DNAH10: variants seen among roughly 807,000 people sequenced by gnomAD.
The protein encoded by DNAH10 is axonemal beta dynein heavy chain 10.
In DNAH10, 348 loss-of-function variants were observed where a neutral mutation model predicts 506.6. The observed-to-expected ratio is 0.69, with a 90% CI of 0.63 to 0.75. The LOEUF (loss-of-function observed/expected upper bound fraction) is 0.75, where lower values mean the gene tolerates loss of function less well. Ranked by LOEUF, DNAH10 falls within the 30% of genes least tolerant of loss-of-function variation. The probability of loss-of-function intolerance (pLI) is 0.00; values close to 1 mark genes in which losing one functional copy is unlikely to be tolerated. For missense variants in DNAH10, 5,179 were observed against 5,787.1 expected, an observed-to-expected ratio of 0.89 and a Z score of 3.41; for synonymous variants, 2,059 against 2,198.6, an observed-to-expected ratio of 0.94 and a Z score of 1.78.
At chr12:123,767,538 G>T in intron 1 of DNAH10, 68 bp from the exon 2 acceptor site, 1 of 1,470,740 alleles carries the variant, frequency 6.8e-7, no homozygotes, top group South Asian at 1.2e-5. Context: ...AGAAAGCAAA[G>T]ATATCAGGTG....
chr12:123,799,438 G>C, intron 14 of DNAH10, 67 bp downstream of exon 14: 1 of 1,541,258 alleles, frequency 6.5e-7, no homozygotes, highest in South Asian at 1.2e-5. Context: ...ATTTTCTCAA[G>C]GCTTGATTTG....
intron 3 of DNAH10, 117 bp downstream of exon 3, chr12:123,771,815 A>G (rs950448742): frequency 2.2e-6 from 2 of 911,562 alleles, no homozygotes; most frequent in Non-Finnish European, 3.3e-6. Context: ...AATGGAAATT[A>G]TAGGATCCCA....
Position 123,847,980 on chromosome 12 carries a change from G to T in DNAH10, c.5834G>T (p.Gly1945Val). Residue 1945 changes from glycine to valine, a missense_variant, in exon 33 of 79, where the codon GGT becomes GTT. Coordinates refer to ENST00000673944, the MANE Select transcript of DNAH10 (RefSeq NM_001372106.1). ...TAACAGGCGCTGTCCATGTATCTAG[G>T]TGGGGCCCCCGCCGGCCCAGCAGGA... ...TLTQALSMYLGGAPAGPAGTG... is the reference protein window; with the variant it reads ...TLTQALSMYLVGAPAGPAGTG... The T allele has an allele frequency of 6.2e-7, 1 of 1,613,302 alleles. No individual in the cohort carries two copies. The highest frequency in any genetic ancestry group is 8.5e-7 in the Non-Finnish European group (1 of 1,179,594).
At chr12:123,851,152 C>T (rs138739907) in intron 35 of DNAH10, 76 bp downstream of exon 35, 41 of 1,444,020 alleles carry the variant, frequency 2.8e-5, no homozygotes, top group South Asian at 1.8e-4. Context: ...GGACCTAGGA[C>T]GCGTTAGCTC....
intron 67 of DNAH10, 123 bp from the exon 68 acceptor site, chr12:123,924,927 C>G (rs1005905720): frequency 7.0e-6 from 9 of 1,291,888 alleles, no homozygotes; most frequent in East Asian, 2.5e-5. Context: ...GACCAGGTGG[C>G]CTTCAGTTAG....
At chr12:123,799,694 G>A (rs1958413592) in intron 14 of DNAH10, among the ~76,000 whole-genome samples, 2 of 152,236 alleles carry the variant, frequency 1.3e-5, no homozygotes, top group South Asian at 4.1e-4. Context: ...ATATGAAACA[G>A]AGCTGACAGC....
chr12:123,866,639 G>C (rs554638369), intron 41 of DNAH10, among the ~76,000 whole-genome samples: 14 of 152,302 alleles, frequency 9.2e-5, no homozygotes, highest in African/African-American at 3.1e-4. Context: ...TTTCTGTAGA[G>C]GGGTAGATAG....
intron 77 of DNAH10, 83 bp from the exon 78 acceptor site, chr12:123,934,538 C>G: frequency 6.5e-7 from 1 of 1,546,100 alleles, no homozygotes; most frequent in Non-Finnish European, 8.8e-7. Context: ...GCCTGTGTGT[C>G]GCTGTGTGTG....
chr12:123,871,536 T>A lies in DNAH10; in HGVS notation c.7719T>A (p.Gly2573=), dbSNP rs575140518. 21 of 1,554,246 alleles carry A rather than the reference T, an allele frequency of 1.4e-5. No individual in the cohort carries two copies. In the Admixed American group the frequency reaches 4.1e-4, roughly 30 times the overall value. Residue 2573 remains glycine, a synonymous_variant, in exon 45 of 79, where the codon GGT becomes GGA. Coordinates refer to ENST00000673944, the MANE Select transcript of DNAH10 (RefSeq NM_001372106.1). ...VKIKQPVIFV[G]ESGTSKTATT... The stretch of plus-strand genomic sequence containing the variant: ...TTAAGCAACCTGTTATTTTTGTTGG[T>A]GAATCTGGCACTTCTAAGACAGCCA...
intron 65 of DNAH10, among the ~76,000 whole-genome samples, chr12:123,920,208 T>A (rs1192051305): frequency 3.3e-5 from 5 of 152,262 alleles, no homozygotes; most frequent in African/African-American, 9.6e-5. Context: ...CGGTTCCCCA[T>A]CAACCCAGAT....
chr12:123,879,232 C>A, intron 48 of DNAH10, 32 bp from the exon 49 acceptor site: 1 of 1,549,794 alleles, frequency 6.5e-7, no homozygotes. Context: ...CAGGTGACTT[C>A]CTGGCTGATT....
chr12:123,931,409 G>T lies in DNAH10; in HGVS notation c.12853G>T (p.Gly4285Cys). The change falls in exon 74 of 79, where the codon GGC becomes TGC. Residue 4285 changes from glycine to cysteine, a missense_variant. Transcript: ENST00000673944. Reference protein sequence around the residue: ...VFGLHPNAEIGYYTQAARDMW... With the variant: ...VFGLHPNAEICYYTQAARDMW... ...TGGTCTCCACCCCAACGCTGAGATT[G>T]GCTATTACACGCAGGCGGCTCGAGA... 6.2e-7 allele frequency: 1 copy of T among 1,613,994 alleles called. No homozygotes were observed. The highest frequency in any genetic ancestry group is 8.5e-7 in the Non-Finnish European group (1 of 1,179,900).
Position 123,787,820 on chromosome 12 carries a change from GC to G in DNAH10, c.1441del (p.Gln481LysfsTer25). 2 of 1,613,928 alleles carry G rather than the reference GC, an allele frequency of 1.2e-6. No homozygotes were observed. Among genetic ancestry groups the G allele is most frequent in the South Asian group, 2.2e-5 (2 of 90,960 alleles). On this transcript the variant is annotated frameshift_variant, in exon 10 of 79. Coordinates refer to ENST00000673944, the MANE Select transcript of DNAH10 (RefSeq NM_001372106.1). LOFTEE classifies it high-confidence loss of function. The surrounding 1 kb of genome is among the most constrained non-coding windows in gnomAD (Gnocchi z 4.6). The stretch of plus-strand genomic sequence containing the variant: ...GCTTCGCAGAGAAAATCGAGCGAGT[GC>G]CCAAAGCAAAACCTTGGAAGCCAGG... The part of the protein sequence containing the change: ...RTLFKENRAS[A>X]QSKTLEARNT...
intron 65 of DNAH10, chr12:123,922,802 A>AC (rs1362456515): frequency 6.6e-6 from 1 of 152,088 alleles, no homozygotes; most frequent in Admixed American, 6.5e-5. Context: ...TCTTATAAGG[A>AC]CACCAGTGAG....
intron 30 of DNAH10, among the ~76,000 whole-genome samples, chr12:123,844,993 A>T (rs912063452): frequency 6.6e-6 from 1 of 151,662 alleles, no homozygotes; most frequent in Non-Finnish European, 1.5e-5. Context: ...AAGTTTGAAA[A>T]CCTATAATCA....
intron 8 of DNAH10, among the ~76,000 whole-genome samples, chr12:123,784,734 C>G (rs929058864): frequency 6.6e-6 from 1 of 152,158 alleles, no homozygotes; most frequent in Non-Finnish European, 1.5e-5. Flanking sequence ...ACACTAACTC[C>G]CCCTTCTTCC....
chr12:123,872,687 G>A (rs1468265671), intron 45 of DNAH10, among the ~76,000 whole-genome samples: 2 of 149,718 alleles, frequency 1.3e-5, no homozygotes, highest in East Asian at 2.1e-4. Flanking sequence ...GTTTGTGCCT[G>A]GTAGTCCCAG....
At position 123,901,317 on chromosome 12, in the gene DNAH10, G is replaced by A. The variant is rs1041319910; in HGVS notation, c.9641-1622G>A. Among the ~76,000 whole-genome samples the A allele has an allele frequency of 7.9e-5, 12 of 152,162 alleles. 1 individual carries two copies. The highest frequency in any genetic ancestry group is 5.9e-5 in the Non-Finnish European group (4 of 68,038). On this transcript the variant is annotated intron_variant, in intron 56 of 78. Coordinates refer to ENST00000673944, the MANE Select transcript of DNAH10 (RefSeq NM_001372106.1). Reference sequence around the variant, plus strand: ...CGCGCCTCAGCACGCTCACAGCTTAGACAGCTTCCTTTCTGCTTTTCTGTT... The same window carrying A: ...CGCGCCTCAGCACGCTCACAGCTTAAACAGCTTCCTTTCTGCTTTTCTGTT...
intron 50 of DNAH10, among the ~76,000 whole-genome samples, chr12:123,881,280 G>C (rs1176890596): frequency 6.6e-6 from 1 of 152,136 alleles, no homozygotes; most frequent in Non-Finnish European, 1.5e-5. Context: ...GTGTAAAACT[G>C]TTCCTATTTC....
Sources: gnomAD v4.1 joint callset for allele counts (sites outside exome capture counted in the v4.1 genomes callset) on GRCh38, gnomAD v4.1.1 for gene constraint, Gnocchi (gnomAD v3.1) non-coding constraint, MANE v1.5 for transcripts, NCBI Gene and HGNC (gene_info 2026-07-23, HGNC 2026-07-21) for gene names.